The following SPOP variants were observed in gnomAD, a reference collection of about 807,000 sequenced individuals.
SPOP encodes the protein speckle-type POZ protein.
A neutral mutation model predicts 45.6 loss-of-function variants in SPOP; 11 were observed. That is an observed-to-expected ratio of 0.24 (90% CI 0.15 to 0.40). The LOEUF (loss-of-function observed/expected upper bound fraction) is 0.40, where lower values mean the gene tolerates loss of function less well. Among genes scored for constraint, SPOP ranks in the 10% least tolerant of loss-of-function variants. The pLI is 1.00. For synonymous variants in SPOP, 166 were observed against 166.3 expected (o/e 1.00, Z 0.01); for missense variants, 152 against 465.6 (o/e 0.33, Z 6.20).
intron 8 of SPOP, among the ~76,000 whole-genome samples, chr17:49,604,495 G>A (rs930149865): frequency 6.6e-6 from 1 of 152,164 alleles, no homozygotes; most frequent in Non-Finnish European, 1.5e-5. Context: ...GGCACAAAGG[G>A]AGGTAGGAGA....
intron 1 of SPOP, among the ~76,000 whole-genome samples, chr17:49,666,452 C>G (rs369255670): frequency 0.09 from 1,341 of 14,940 alleles, 17 homozygotes; most frequent in African/African-American, 0.27. Context: ...AAGACAGACA[C>G]ACACACACAC....
chr17:49,610,322 G>A (rs1196484356), intron 6 of SPOP, among the ~76,000 whole-genome samples: 2 of 151,974 alleles, frequency 1.3e-5, no homozygotes, highest in Non-Finnish European at 1.5e-5. Context: ...GGGTTCAAGC[G>A]ATTCTCCTGT....
intron 5 of SPOP, among the ~76,000 whole-genome samples, chr17:49,616,290 G>A (rs185633761): frequency 1.3e-5 from 2 of 152,246 alleles, no homozygotes; most frequent in African/African-American, 2.4e-5. Flanking sequence ...GCCTCTGGGA[G>A]CACCAGAATC....
intron 1 of SPOP, among the ~76,000 whole-genome samples, chr17:49,637,268 C>G (rs1433197821): frequency 6.6e-6 from 1 of 152,136 alleles, no homozygotes; most frequent in African/African-American, 2.4e-5. Context: ...ATTCCTTTAT[C>G]TCACTAGCTC....
intron 1 of SPOP, among the ~76,000 whole-genome samples, chr17:49,677,079 A>C (rs1282923806): frequency 6.6e-6 from 1 of 152,242 alleles, no homozygotes; most frequent in Non-Finnish European, 1.5e-5. Flanking sequence ...GGTGCCCTTT[A>C]TCTCTCTTAT....
chr17:49,675,037 C>A (rs1306376782), intron 1 of SPOP, among the ~76,000 whole-genome samples: 2 of 152,116 alleles, frequency 1.3e-5, no homozygotes, highest in East Asian at 3.8e-4. Flanking sequence ...AGAAAACAGG[C>A]AGACTCACAC....
intron 1 of SPOP, among the ~76,000 whole-genome samples, chr17:49,648,602 G>C (rs2072794183): frequency 6.6e-6 from 1 of 152,170 alleles, no homozygotes; most frequent in African/African-American, 2.4e-5. Flanking sequence ...GGTGCACTTA[G>C]AATAATCACA....
intron 1 of SPOP, among the ~76,000 whole-genome samples, chr17:49,664,042 T>C (rs1236948178): frequency 6.6e-6 from 1 of 152,226 alleles, no homozygotes; most frequent in Non-Finnish European, 1.5e-5. Flanking sequence ...CGCAGCATGA[T>C]ATTCTAAAAT....
intron 1 of SPOP, among the ~76,000 whole-genome samples, chr17:49,666,044 T>C (rs922408586): frequency 6.6e-6 from 1 of 151,516 alleles, no homozygotes; most frequent in Non-Finnish European, 1.5e-5. Flanking sequence ...GGAGTGAGAC[T>C]TGCCCTATCA....
intron 1 of SPOP, among the ~76,000 whole-genome samples, chr17:49,645,157 A>T (rs573234777): frequency 6.6e-6 from 1 of 152,374 alleles, no homozygotes; most frequent in African/African-American, 2.4e-5. Flanking sequence ...AATTCAGTCC[A>T]GATCATCTCA....
intron 5 of SPOP, among the ~76,000 whole-genome samples, chr17:49,616,242 G>A (rs1163728777): frequency 1.3e-5 from 2 of 152,146 alleles, no homozygotes; most frequent in African/African-American, 4.8e-5. Flanking sequence ...ACATAAAAGG[G>A]TGCTTCTCGG....
At chr17:49,625,247 T>C (rs2072305948) in intron 1 of SPOP, among the ~76,000 whole-genome samples, 1 of 152,220 alleles carries the variant, frequency 6.6e-6, no homozygotes. Flanking sequence ...TGAAAATCTT[T>C]AGTAGGGGAA....
At chr17:49,660,770 C>T (rs1005595591) in intron 1 of SPOP, among the ~76,000 whole-genome samples, 1 of 152,236 alleles carries the variant, frequency 6.6e-6, no homozygotes, top group East Asian at 1.9e-4. Context: ...CGAAACCATC[C>T]TGGCTAACAG....
At chr17:49,636,596 C>G (rs2072547281) in intron 1 of SPOP, among the ~76,000 whole-genome samples, 1 of 152,134 alleles carries the variant, frequency 6.6e-6, no homozygotes. Context: ...CCTTATATGA[C>G]TTTAACTTTT....
intron 1 of SPOP, among the ~76,000 whole-genome samples, chr17:49,630,504 C>A (rs989688174): frequency 6.6e-6 from 1 of 152,192 alleles, no homozygotes; most frequent in Non-Finnish European, 1.5e-5. Context: ...GGGCTTCAGA[C>A]AGACCTCAAT....
chr17:49,607,480 T>C, intron 7 of SPOP, 108 bp from the exon 8 acceptor site: 1 of 1,375,588 alleles, frequency 7.3e-7, no homozygotes. Context: ...TTGTATCATT[T>C]AAAACCTAAC....
intron 1 of SPOP, among the ~76,000 whole-genome samples, chr17:49,625,721 A>T (rs2072315965): frequency 1.3e-5 from 2 of 152,216 alleles, no homozygotes; most frequent in South Asian, 4.1e-4. Context: ...TATTTATGCA[A>T]ATTTAAGGTT....
chr17:49,657,132 C>T (rs1353446252), intron 1 of SPOP, among the ~76,000 whole-genome samples: 1 of 149,904 alleles, frequency 6.7e-6, no homozygotes, highest in Admixed American at 6.6e-5. Context: ...TTGCAGTGAG[C>T]CGAGATTGCG....
Position 49,600,760 on chromosome 17 carries a change from A to C in SPOP, c.981-238T>G. The C allele has an allele frequency of 2.0e-6, 1 of 492,130 alleles. No individual in the cohort carries two copies. The highest frequency in any genetic ancestry group is 3.7e-6 in the Non-Finnish European group (1 of 270,548). The allele number at this position is 492,130 out of a possible 1,614,324, so 30.5% of individuals were successfully genotyped here. A position where few individuals can be genotyped will look rare whatever the true frequency, so the allele number is the denominator to read the frequency against. ...GAGCCACTATATTCTCAAAAACAAA[A>C]AGCAGAATGTTCCCCAGGCCCCCAA... is the stretch of plus-strand genomic sequence containing the variant. On this transcript the variant is annotated intron_variant, in intron 9 of 9. Coordinates refer to ENST00000504102, the MANE Select transcript of SPOP (RefSeq NM_001007228.2). The surrounding 1 kb of genome is among the most constrained non-coding windows in gnomAD (Gnocchi z 4.2).
Sources: gnomAD v4.1 joint callset for allele counts (sites outside exome capture counted in the v4.1 genomes callset) on GRCh38, gnomAD v4.1.1 for gene constraint, Gnocchi (gnomAD v3.1) non-coding constraint, MANE v1.5 for transcripts, NCBI Gene and HGNC (gene_info 2026-07-23, HGNC 2026-07-21) for gene names.